The following CSMD1 variants were observed in gnomAD, a reference collection of about 807,000 sequenced individuals.
CSMD1 encodes CUB and sushi domain-containing protein 1.
In CSMD1, 213 loss-of-function variants were observed where a neutral mutation model predicts 417.5. The ratio of observed to expected loss-of-function variants is 0.51; its 90% CI spans 0.46 to 0.57. The LOEUF is 0.57. Ranked by LOEUF, CSMD1 falls within the 20% of genes least tolerant of loss-of-function variation. The pLI is 0.00. For missense variants in CSMD1, 6,923 were observed against 4,529.7 expected (o/e 1.53, Z -15.17); for synonymous variants, 2,862 against 1,736.8 (o/e 1.65, Z -16.11).
chr8:4,267,689 G>C (rs1163440828), intron 3 of CSMD1, among the ~76,000 whole-genome samples: 2 of 151,932 alleles, frequency 1.3e-5, no homozygotes, highest in Non-Finnish European at 2.9e-5. Context: ...TCCCTCCTTA[G>C]TGTCTTACAT....
chr8:4,029,468 A>C (rs531558109), intron 4 of CSMD1, among the ~76,000 whole-genome samples: 2 of 152,240 alleles, frequency 1.3e-5, no homozygotes, highest in South Asian at 2.1e-4. Flanking sequence ...TGTGCAGAGA[A>C]ACACCCATTT....
intron 26 of CSMD1, among the ~76,000 whole-genome samples, chr8:3,274,539 C>G (rs1356848940): frequency 6.6e-6 from 1 of 152,052 alleles, no homozygotes; most frequent in Non-Finnish European, 1.5e-5. Flanking sequence ...GTTAAAGTCT[C>G]CCATTATTAA....
intron 5 of CSMD1, among the ~76,000 whole-genome samples, chr8:3,825,739 G>A (rs1311834145): frequency 6.6e-6 from 1 of 152,148 alleles, no homozygotes; most frequent in Non-Finnish European, 1.5e-5. Context: ...AAGCAACAAG[G>A]AGGCGATTGG....
chr8:4,051,514 G>T (rs911649932), intron 3 of CSMD1, among the ~76,000 whole-genome samples: 1 of 152,096 alleles, frequency 6.6e-6, no homozygotes, highest in Non-Finnish European at 1.5e-5. Context: ...CCATGACCTA[G>T]CACAAAATGC....
At chr8:3,276,148 G>A (rs1025226966) in intron 26 of CSMD1, among the ~76,000 whole-genome samples, 1 of 152,160 alleles carries the variant, frequency 6.6e-6, no homozygotes, top group Admixed American at 6.5e-5. Context: ...CCTTCTAACA[G>A]TCAGGACCTT....
At chr8:3,507,722 C>A (rs934884899) in intron 10 of CSMD1, among the ~76,000 whole-genome samples, 1 of 152,146 alleles carries the variant, frequency 6.6e-6, no homozygotes, top group African/African-American at 2.4e-5. Flanking sequence ...TGGTATCTCA[C>A]TGGGGTTTTG....
chr8:3,971,630 A>G (rs1813096477), intron 5 of CSMD1, among the ~76,000 whole-genome samples: 1 of 152,150 alleles, frequency 6.6e-6, no homozygotes, highest in African/African-American at 2.4e-5. Context: ...TATTTCCTCA[A>G]GGGAGTCTCA....
At chr8:3,100,133 C>A (rs1333599809) in intron 46 of CSMD1, among the ~76,000 whole-genome samples, 1 of 152,074 alleles carries the variant, frequency 6.6e-6, no homozygotes, top group African/African-American at 2.4e-5. Context: ...CTCACTGCAG[C>A]CTTGACCTCC....
chr8:4,590,081 T>C (rs1799908573), intron 2 of CSMD1, among the ~76,000 whole-genome samples: 1 of 152,264 alleles, frequency 6.6e-6, no homozygotes, highest in Non-Finnish European at 1.5e-5. Context: ...CATGTATTTA[T>C]GAAATCTTCA....
intron 5 of CSMD1, among the ~76,000 whole-genome samples, chr8:3,919,768 C>G (rs537302648): frequency 1.4e-3 from 211 of 152,212 alleles, no homozygotes; most frequent in African/African-American, 4.7e-3. Context: ...TCCAGGAACA[C>G]AAGCTATCTT....
At chr8:4,807,713 G>T (rs975408452) in intron 1 of CSMD1, among the ~76,000 whole-genome samples, 1 of 152,028 alleles carries the variant, frequency 6.6e-6, no homozygotes, top group Non-Finnish European at 1.5e-5. Flanking sequence ...ATGTTAAACT[G>T]AATAAAAATA....
At chr8:3,992,903 A>G (rs1453722643) in intron 5 of CSMD1, among the ~76,000 whole-genome samples, 2 of 152,224 alleles carry the variant, frequency 1.3e-5, no homozygotes, top group African/African-American at 2.4e-5. Context: ...TTCCAAAGCC[A>G]TTTTTCTCAC....
intron 5 of CSMD1, among the ~76,000 whole-genome samples, chr8:3,915,390 A>T (rs1173824936): frequency 7.1e-6 from 1 of 141,238 alleles, no homozygotes; most frequent in African/African-American, 2.7e-5. Context: ...TAGGCGTCAC[A>T]GTAAGACTCT....
chr8:3,964,010 A>G (rs894962423), intron 5 of CSMD1, among the ~76,000 whole-genome samples: 1 of 151,878 alleles, frequency 6.6e-6, no homozygotes, highest in Non-Finnish European at 1.5e-5. Flanking sequence ...CCCAGAATGC[A>G]CAAAGAAACT....
intron 26 of CSMD1, among the ~76,000 whole-genome samples, chr8:3,251,113 G>T (rs1362524640): frequency 6.6e-6 from 1 of 152,178 alleles, no homozygotes; most frequent in East Asian, 1.9e-4. Context: ...ATTGCTTTTG[G>T]TGTTTTAGAC....
intron 1 of CSMD1, among the ~76,000 whole-genome samples, chr8:4,647,384 G>C (rs140154604): frequency 9.7e-4 from 147 of 151,082 alleles, no homozygotes; most frequent in African/African-American, 3.2e-3. Flanking sequence ...AGGTACGCGT[G>C]TGCCACGGAG....
At chr8:3,435,600 C>T (rs1215587729) in intron 12 of CSMD1, among the ~76,000 whole-genome samples, 2 of 152,170 alleles carry the variant, frequency 1.3e-5, no homozygotes, top group Non-Finnish European at 2.9e-5. Flanking sequence ...AACCACACCT[C>T]CAACCTAGCG....
chr8:4,914,396 G>A (rs896086752), intron 1 of CSMD1, among the ~76,000 whole-genome samples: 3 of 151,976 alleles, frequency 2.0e-5, no homozygotes, highest in Non-Finnish European at 4.4e-5. Context: ...CTAACACGGT[G>A]AAACTCCGTC....
At chr8:3,338,348 T>A (rs893339534) in intron 23 of CSMD1, among the ~76,000 whole-genome samples, 14 of 152,230 alleles carry the variant, frequency 9.2e-5, no homozygotes, top group African/African-American at 3.1e-4. Flanking sequence ...AGCAAGTGAA[T>A]GAGGGCAGTA....
Sources: gnomAD v4.1 joint callset for allele counts (sites outside exome capture counted in the v4.1 genomes callset) on GRCh38, gnomAD v4.1.1 for gene constraint, MANE v1.5 for transcripts, NCBI Gene and HGNC (gene_info 2026-07-23, HGNC 2026-07-21) for gene names.